KLHL1: variants seen among roughly 807,000 people sequenced by gnomAD.
The protein encoded by KLHL1 is kelch-like protein 1.
A neutral mutation model predicts 77.7 loss-of-function variants in KLHL1; 47 were observed. The observed-to-expected ratio is 0.60, with a 90% confidence interval of 0.48 to 0.77. The LOEUF (loss-of-function observed/expected upper bound fraction) is 0.77, where lower values mean the gene tolerates loss of function less well. Among genes scored for constraint, KLHL1 ranks in the 30% least tolerant of loss-of-function variants. The pLI is 0.00. For missense variants in KLHL1, 925 were observed against 910.8 expected, an observed-to-expected ratio of 1.02 and a Z score of -0.20; for synonymous variants, 360 against 325.2, an observed-to-expected ratio of 1.11 and a Z score of -1.15.
chr13:70,089,368 A>G (rs2137439985), intron 1 of KLHL1, among the ~76,000 whole-genome samples: 1 of 152,272 alleles, frequency 6.6e-6, no homozygotes, highest in African/African-American at 2.4e-5. Flanking sequence ...CAGGTAGCAT[A>G]TTAAAAATAG....
intron 4 of KLHL1, among the ~76,000 whole-genome samples, chr13:69,935,965 C>T (rs1214116744): frequency 6.6e-6 from 1 of 152,010 alleles, no homozygotes; most frequent in African/African-American, 2.4e-5. Flanking sequence ...TTTGTAAAGA[C>T]TAGTCACAAA....
At chr13:69,703,759 A>G (rs1021427942) in intron 10 of KLHL1, among the ~76,000 whole-genome samples, 1 of 151,712 alleles carries the variant, frequency 6.6e-6, no homozygotes, top group African/African-American at 2.4e-5. Flanking sequence ...ATTCTGTTGC[A>G]ATTACCTAGA....
intron 7 of KLHL1, among the ~76,000 whole-genome samples, chr13:69,795,477 A>G (rs1877063606): frequency 6.6e-6 from 1 of 152,226 alleles, no homozygotes; most frequent in African/African-American, 2.4e-5. Flanking sequence ...ATTTGCTGGC[A>G]TATTTCAGAT....
intron 6 of KLHL1, among the ~76,000 whole-genome samples, chr13:69,813,699 T>C (rs1438737446): frequency 6.6e-6 from 1 of 152,024 alleles, no homozygotes; most frequent in East Asian, 1.9e-4. Flanking sequence ...ACCAAGGAGA[T>C]GAAAGATATC....
intron 7 of KLHL1, among the ~76,000 whole-genome samples, chr13:69,784,953 G>A (rs1211508298): frequency 2.1e-5 from 3 of 145,494 alleles, no homozygotes; most frequent in African/African-American, 7.8e-5. Context: ...GCAGTGGTGG[G>A]ATCTCAGCTC....
intron 1 of KLHL1, among the ~76,000 whole-genome samples, chr13:70,101,950 C>CAAAAAA (rs553460889): frequency 7.8e-6 from 1 of 128,872 alleles, no homozygotes; most frequent in African/African-American, 2.7e-5. Context: ...GATAAAGTAG[C>CAAAAAA]AAAAAAAAAA....
intron 4 of KLHL1, among the ~76,000 whole-genome samples, chr13:69,924,618 G>A (rs546388774): frequency 1.3e-5 from 2 of 152,240 alleles, no homozygotes; most frequent in East Asian, 3.9e-4. Flanking sequence ...CCTTCTTCCT[G>A]GGCACGGGAC....
intron 3 of KLHL1, among the ~76,000 whole-genome samples, chr13:69,941,836 C>G (rs764070040): frequency 6.6e-6 from 1 of 151,860 alleles, no homozygotes; most frequent in Non-Finnish European, 1.5e-5. Flanking sequence ...CTATGAACAC[C>G]TTATGTGCAC....
At chr13:69,735,263 C>A (rs1034045019) in intron 8 of KLHL1, among the ~76,000 whole-genome samples, 7 of 151,494 alleles carry the variant, frequency 4.6e-5, no homozygotes, top group Non-Finnish European at 1.0e-4. Flanking sequence ...TCTCAAATAA[C>A]AACTGATATC....
At chr13:69,719,299 A>G (rs1872926525) in intron 9 of KLHL1, 70 bp downstream of exon 9, 2 of 1,355,258 alleles carry the variant, frequency 1.5e-6, no homozygotes, top group Admixed American at 1.9e-5. Flanking sequence ...AATTTTTCCA[A>G]TCACTTGAAT....
At chr13:70,082,892 A>G (rs1402491619) in intron 1 of KLHL1, among the ~76,000 whole-genome samples, 4 of 152,174 alleles carry the variant, frequency 2.6e-5, no homozygotes, top group African/African-American at 7.2e-5. Flanking sequence ...AAAATACTCT[A>G]TGTTCTTACT....
rs1878583548 is a variant in KLHL1, at chr13:69,827,230, A to C, written c.1414+11746T>G. Reference sequence around the variant, plus strand: ...ACATGAAATGGAAATATAATAGAGCATATTTAATTTTGTCAATTATATAAT... The same window carrying C: ...ACATGAAATGGAAATATAATAGAGCCTATTTAATTTTGTCAATTATATAAT... On this transcript the variant is annotated intron_variant, in intron 6 of 10. Transcript: ENST00000377844. 5.3e-5 allele frequency among the ~76,000 whole-genome samples: 8 copies of C among 151,890 alleles called. 1 individual carries two copies. In the South Asian group the frequency reaches 1.7e-3, roughly 31 times the overall value.
chr13:69,760,792 C>T (rs762956249), intron 7 of KLHL1, among the ~76,000 whole-genome samples: 34 of 152,120 alleles, frequency 2.2e-4, no homozygotes, highest in Non-Finnish European at 4.1e-4. Flanking sequence ...CTGGATGAGC[C>T]TAAGGGGGGA....
intron 4 of KLHL1, among the ~76,000 whole-genome samples, chr13:69,882,859 C>A (rs1881053986): frequency 6.6e-6 from 1 of 152,016 alleles, no homozygotes; most frequent in Non-Finnish European, 1.5e-5. Context: ...TATATGTAGA[C>A]ATATATATGA....
At chr13:69,928,095 T>A (rs536281954) in intron 4 of KLHL1, among the ~76,000 whole-genome samples, 1 of 152,324 alleles carries the variant, frequency 6.6e-6, no homozygotes, top group South Asian at 2.1e-4. Flanking sequence ...ATTGTTCCTA[T>A]AGATAGAATT....
rs538230735 is a variant in KLHL1 at position 69,859,572 on chromosome 13, C to T, written c.1228-20410G>A. Among the ~76,000 whole-genome samples, 24 of 152,102 alleles carry T rather than the reference C, an allele frequency of 1.6e-4. No homozygotes were observed. The South Asian group carries it at 4.8e-3, about 30-fold the overall frequency. On this transcript the variant is annotated intron_variant, in intron 5 of 10. Coordinates refer to ENST00000377844, the MANE Select transcript of KLHL1 (RefSeq NM_020866.3). The stretch of plus-strand genomic sequence containing the variant: ...TTCGAGTTCTCTGAGTCCTCAATAT[C>T]CCTGTGAATGAATTATTACATCAGG...
At chr13:69,965,936 G>T (rs1296441413) in intron 2 of KLHL1, among the ~76,000 whole-genome samples, 1 of 152,112 alleles carries the variant, frequency 6.6e-6, no homozygotes. Context: ...GTACAAAGTT[G>T]GCAGAAGTTA....
Position 69,982,697 on chromosome 13 carries a change from C to T in KLHL1, c.498-6895G>A, listed in dbSNP as rs887254065. 2.6e-4 allele frequency among the ~76,000 whole-genome samples: 39 copies of T among 151,592 alleles called. 2 individuals carry two copies. Among genetic ancestry groups the T allele is most frequent in the Non-Finnish European group, 7.4e-5 (5 of 67,910 alleles). Reference sequence around the variant, plus strand: ...GACATGGATTAGCTGAATGGATACACTTATGCAACTAGAAACCAAAAAAGA... The same window carrying T: ...GACATGGATTAGCTGAATGGATACATTTATGCAACTAGAAACCAAAAAAGA... On this transcript the variant is annotated intron_variant, in intron 1 of 10. Transcript: ENST00000377844.
chr13:69,811,623 G>T (rs1225961040), intron 6 of KLHL1, among the ~76,000 whole-genome samples: 3 of 151,884 alleles, frequency 2.0e-5, no homozygotes, highest in African/African-American at 7.3e-5. Flanking sequence ...GGAAGTCCTG[G>T]CTAGAGCAGT....
Sources: allele counts gnomAD v4.1 joint callset (sites outside exome capture counted in the v4.1 genomes callset), GRCh38; gene constraint gnomAD v4.1.1; transcripts MANE v1.5; gene names NCBI Gene and HGNC (gene_info 2026-07-23, HGNC 2026-07-21).